DYNC1I1: variants seen among roughly 807,000 people sequenced by gnomAD.
DYNC1I1 encodes dynein cytoplasmic 1 intermediate chain 1.
In DYNC1I1, 43 loss-of-function variants were observed where a neutral mutation model predicts 86.6. The ratio of observed to expected loss-of-function variants is 0.50; its 90% CI spans 0.39 to 0.64. DYNC1I1 has a LOEUF of 0.64. DYNC1I1 is among the 30% of genes least tolerant of loss of function. The probability of loss-of-function intolerance (pLI) is 0.00; values close to 1 mark genes in which losing one functional copy is unlikely to be tolerated. For missense variants in DYNC1I1, 604 were observed against 788.8 expected (o/e 0.77, Z 2.81); for synonymous variants, 262 against 283.7 (o/e 0.92, Z 0.77).
chr7:95,834,804 G>T (rs201562652), intron 5 of DYNC1I1, among the ~76,000 whole-genome samples: 2 of 137,200 alleles, frequency 1.5e-5, no homozygotes, highest in African/African-American at 5.5e-5. Context: ...ATTTCTGTGG[G>T]ATCGGTGGTG....
At chr7:95,829,647 A>C (rs1189836044) in intron 5 of DYNC1I1, among the ~76,000 whole-genome samples, 2 of 152,060 alleles carry the variant, frequency 1.3e-5, no homozygotes, top group Non-Finnish European at 2.9e-5. Context: ...AATAGTTTGG[A>C]ATTTTCCCAT....
intron 9 of DYNC1I1, among the ~76,000 whole-genome samples, chr7:95,993,660 T>C (rs1373598249): frequency 6.6e-6 from 1 of 152,208 alleles, no homozygotes; most frequent in Non-Finnish European, 1.5e-5. Flanking sequence ...CATACATGTG[T>C]GTCACTGTAC....
At chr7:96,002,607 T>C (rs1034067142) in intron 10 of DYNC1I1, among the ~76,000 whole-genome samples, 1 of 152,142 alleles carries the variant, frequency 6.6e-6, no homozygotes, top group African/African-American at 2.4e-5. Context: ...TATACAAGAA[T>C]GAAATTCAAA....
intron 6 of DYNC1I1, among the ~76,000 whole-genome samples, chr7:95,962,507 T>G (rs1293456666): frequency 1.3e-5 from 2 of 152,322 alleles, no homozygotes; most frequent in South Asian, 2.1e-4. Context: ...TTGCACATTT[T>G]TGTGGCTGGG....
intron 5 of DYNC1I1, among the ~76,000 whole-genome samples, chr7:95,863,013 C>G (rs957940864): frequency 6.6e-6 from 1 of 152,036 alleles, no homozygotes; most frequent in African/African-American, 2.4e-5. Flanking sequence ...TTTTGATCAG[C>G]AGTTGGTTGA....
Position 95,932,502 on chromosome 7 carries a change from A to G in DYNC1I1, c.491-45010A>G, listed in dbSNP as rs554914922. Among the ~76,000 whole-genome samples the G allele has an allele frequency of 9.2e-5, 14 of 152,322 alleles. No individual in the cohort carries two copies. In the South Asian group the frequency reaches 2.5e-3, roughly 27 times the overall value. On this transcript the variant is annotated intron_variant, in intron 6 of 16. Transcript: ENST00000447467. ...AGAATGGAAAAATCTGTCTACCTAA[A>G]GGACATATGAAGGAATTAGAAGTGT... is the stretch of plus-strand genomic sequence containing the variant.
intron 6 of DYNC1I1, among the ~76,000 whole-genome samples, chr7:95,938,727 A>T (rs1436572483): frequency 6.6e-6 from 1 of 152,162 alleles, no homozygotes; most frequent in African/African-American, 2.4e-5. Flanking sequence ...TTTGTAAATT[A>T]TTAAGTGCTA....
chr7:96,022,524 G>T (rs999823000), intron 10 of DYNC1I1, among the ~76,000 whole-genome samples: 1 of 152,038 alleles, frequency 6.6e-6, no homozygotes, highest in African/African-American at 2.4e-5. Flanking sequence ...AGAATAGCCT[G>T]TGCACCCCAG....
chr7:95,888,928 G>GT (rs1232415350), intron 6 of DYNC1I1, among the ~76,000 whole-genome samples: 1 of 152,120 alleles, frequency 6.6e-6, no homozygotes, highest in Non-Finnish European at 1.5e-5. Context: ...CTGAAGTAAC[G>GT]TGACACAAGG....
chr7:95,927,870 T>C (rs115881883), intron 6 of DYNC1I1, among the ~76,000 whole-genome samples: 1,769 of 152,284 alleles, frequency 0.012, 24 homozygotes, highest in African/African-American at 0.04. Context: ...TCCCCCAAAA[T>C]GTGGTTCACG....
chr7:96,097,774 C>T lies in DYNC1I1; in HGVS notation c.*181C>T. ...GTGTCCCATCATGCTTTCCACTGAC[C>T]CAAAATTCACCACAGCATTTCTATC... On this transcript the variant is annotated 3_prime_UTR_variant, in exon 17 of 17. Transcript: ENST00000447467. 1 of 1,306,484 alleles carries T rather than the reference C, an allele frequency of 7.7e-7. No individual in the cohort carries two copies. The highest frequency in any genetic ancestry group is 1.5e-5 in the African/African-American group (1 of 67,292). The allele number at this position is 1,306,484 out of a possible 1,614,324, so 80.9% of individuals were successfully genotyped here.
chr7:96,028,343 T>A (rs1200440703), intron 11 of DYNC1I1, 22 bp downstream of exon 11: 1 of 1,581,896 alleles, frequency 6.3e-7, no homozygotes, highest in South Asian at 1.1e-5. Flanking sequence ...TTTTGCCATA[T>A]CCCTGTGAGC....
chr7:95,845,897 C>T (rs1437917101), intron 5 of DYNC1I1, among the ~76,000 whole-genome samples: 1 of 152,138 alleles, frequency 6.6e-6, no homozygotes, highest in Non-Finnish European at 1.5e-5. Context: ...GTTCTCTACC[C>T]TCAAGAATCT....
At chr7:96,081,352 T>C (rs932834676) in intron 16 of DYNC1I1, among the ~76,000 whole-genome samples, 2 of 151,992 alleles carry the variant, frequency 1.3e-5, no homozygotes, top group African/African-American at 4.8e-5. Context: ...CAACTACACC[T>C]TTTATTTCAG....
intron 6 of DYNC1I1, among the ~76,000 whole-genome samples, chr7:95,889,671 A>G (rs1045250998): frequency 2.6e-5 from 4 of 152,210 alleles, no homozygotes; most frequent in Non-Finnish European, 5.9e-5. Flanking sequence ...GAATGAGAGA[A>G]AATATTTGCA....
intron 6 of DYNC1I1, among the ~76,000 whole-genome samples, chr7:95,967,464 T>G (rs1338081158): frequency 6.6e-6 from 1 of 152,170 alleles, no homozygotes; most frequent in Non-Finnish European, 1.5e-5. Context: ...TGCTTTTGTT[T>G]CCTTTGCCTA....
At chr7:95,804,666 A>C in intron 1 of DYNC1I1, 55 bp from the exon 2 acceptor site, 1 of 1,466,124 alleles carries the variant, frequency 6.8e-7, no homozygotes, top group East Asian at 2.5e-5. Flanking sequence ...TTTTGCAATG[A>C]TATACAGAAA....
At chr7:95,999,170 C>T (rs1793950105) in intron 10 of DYNC1I1, among the ~76,000 whole-genome samples, 1 of 152,180 alleles carries the variant, frequency 6.6e-6, no homozygotes, top group Non-Finnish European at 1.5e-5. Flanking sequence ...CTTCCACACA[C>T]TGTCATTAGA....
chr7:96,028,377 A>T (rs1404581189), intron 11 of DYNC1I1, 56 bp downstream of exon 11: 3 of 1,555,100 alleles, frequency 1.9e-6, no homozygotes, highest in Admixed American at 3.6e-5. Flanking sequence ...AAGAGAAAAT[A>T]ACTCTACTCA....
Sources: allele counts gnomAD v4.1 joint callset (sites outside exome capture counted in the v4.1 genomes callset), GRCh38; gene constraint gnomAD v4.1.1; transcripts MANE v1.5; gene names NCBI Gene and HGNC (gene_info 2026-07-23, HGNC 2026-07-21).